PRKN: variants seen among roughly 807,000 people sequenced by gnomAD.
PRKN encodes parkin RBR E3 ubiquitin protein ligase.
A neutral mutation model predicts 59.5 loss-of-function variants in PRKN; 56 were observed. That is an observed-to-expected ratio of 0.94 (90% CI 0.76 to 1.18). PRKN has a LOEUF of 1.18. Among genes scored for constraint, PRKN ranks in the 50% most tolerant of loss-of-function variants. The pLI, the probability that PRKN is intolerant of heterozygous loss-of-function variation, is 0.00. For synonymous variants in PRKN, 250 were observed against 222.1 expected, an observed-to-expected ratio of 1.13 and a Z score of -1.12; for missense variants, 657 against 596.4, an observed-to-expected ratio of 1.10 and a Z score of -1.06.
intron 6 of PRKN, among the ~76,000 whole-genome samples, chr6:161,891,019 A>C (rs1047222942): frequency 2.7e-4 from 41 of 152,222 alleles, no homozygotes; most frequent in African/African-American, 9.1e-4. Context: ...GGGAGATTTC[A>C]CTCTTGCTAC....
intron 1 of PRKN, among the ~76,000 whole-genome samples, chr6:162,680,458 G>C (rs1183634780): frequency 6.6e-6 from 1 of 151,736 alleles, no homozygotes; most frequent in Non-Finnish European, 1.5e-5. Flanking sequence ...TCCAAATCTA[G>C]CTAGAAAACA....
intron 1 of PRKN, among the ~76,000 whole-genome samples, chr6:162,623,360 G>A (rs914053006): frequency 1.3e-5 from 2 of 152,186 alleles, no homozygotes; most frequent in African/African-American, 4.8e-5. Context: ...TGATCACTTA[G>A]ATGAATGTTG....
chr6:161,531,336 A>C (rs1406376023), intron 9 of PRKN, among the ~76,000 whole-genome samples: 3 of 151,312 alleles, frequency 2.0e-5, no homozygotes, highest in Non-Finnish European at 4.4e-5. Context: ...AGCCGAGATC[A>C]TGCCACTGCA....
intron 2 of PRKN, among the ~76,000 whole-genome samples, chr6:162,319,683 G>A (rs1349188193): frequency 6.6e-6 from 1 of 151,918 alleles, no homozygotes; most frequent in Non-Finnish European, 1.5e-5. Flanking sequence ...TACACAGTTT[G>A]CTCTTTAGCA....
chr6:162,305,250 C>T (rs1001034247), intron 2 of PRKN, among the ~76,000 whole-genome samples: 2 of 152,092 alleles, frequency 1.3e-5, no homozygotes, highest in African/African-American at 2.4e-5. Context: ...TCTTTGTAAA[C>T]GGAAGTGCCA....
intron 1 of PRKN, among the ~76,000 whole-genome samples, chr6:162,517,036 TC>T (rs1478346475): frequency 6.6e-6 from 1 of 152,046 alleles, no homozygotes; most frequent in African/African-American, 2.4e-5. Context: ...AGGTAATTCC[TC>T]CTTAATGGCA....
intron 7 of PRKN, among the ~76,000 whole-genome samples, chr6:161,633,590 C>T (rs1783396063): frequency 6.6e-6 from 1 of 152,192 alleles, no homozygotes; most frequent in African/African-American, 2.4e-5. Flanking sequence ...TTAAATATTC[C>T]TGGTGGAATA....
intron 4 of PRKN, among the ~76,000 whole-genome samples, chr6:162,078,600 T>C (rs1192219120): frequency 1.3e-5 from 2 of 152,082 alleles, no homozygotes; most frequent in Non-Finnish European, 2.9e-5. Flanking sequence ...ATTTTTAAGT[T>C]TGATAAAAAA....
chr6:161,733,770 GAAA>G lies in PRKN; in HGVS notation c.871+51999_871+52001del, dbSNP rs71544915. 4.7e-3 allele frequency among the ~76,000 whole-genome samples: 483 copies of G among 102,382 alleles called. 2 individuals are homozygous for G. The highest frequency in any genetic ancestry group is 0.013 in the South Asian group (41 of 3,232). The allele number at this position is 102,382 out of a possible 152,430, so 67.2% of individuals were successfully genotyped here. A position where few individuals can be genotyped will look rare whatever the true frequency, so the allele number is the denominator to read the frequency against. On this transcript the variant is annotated intron_variant, in intron 7 of 11. Coordinates refer to ENST00000366898, the MANE Select transcript of PRKN (RefSeq NM_004562.3). The stretch of plus-strand genomic sequence containing the variant: ...GTATTGTTGAAAATTCCCAGGGGGT[GAAA>G]AAAAAAAAAAATATATATATATATG...
rs142647291 is a variant in PRKN, at chr6:161,616,618, G to A, written c.872-47202C>T. On this transcript the variant is annotated intron_variant, in intron 7 of 11. Coordinates refer to ENST00000366898, the MANE Select transcript of PRKN (RefSeq NM_004562.3). ...GATGTTCCCCTCCCTGTATCCATAT[G>A]TTCTCACTGTTCAACTCCCACTTAC... Among the ~76,000 whole-genome samples the A allele has an allele frequency of 9.1e-3, 1,383 of 151,690 alleles. 10 individuals carry two copies. The highest frequency in any genetic ancestry group is 0.024 in the Middle Eastern group (7 of 294).
intron 1 of PRKN, chr6:162,569,447 T>G: frequency 1.5e-6 from 1 of 687,638 alleles, no homozygotes; most frequent in Non-Finnish European, 2.8e-6. Flanking sequence ...GATTGCCACC[T>G]ACAGGAAGCT....
At chr6:162,716,886 C>T (rs1778750672) in intron 1 of PRKN, among the ~76,000 whole-genome samples, 1 of 152,178 alleles carries the variant, frequency 6.6e-6, no homozygotes, top group South Asian at 2.1e-4. Context: ...AGCTCTCTGT[C>T]ATTCTTCCTT....
rs1488923049 is a variant in PRKN at position 162,426,408 on chromosome 6, T to C, written c.171+16902A>G. ...CTGGATCTTGCGTGGACAGCACATG[T>C]ACACAAAGATAAAGTCCAGTTGTTA... On this transcript the variant is annotated intron_variant, in intron 2 of 11. Coordinates refer to ENST00000366898, the MANE Select transcript of PRKN (RefSeq NM_004562.3). Among the ~76,000 whole-genome samples, 3 of 152,234 alleles carry C rather than the reference T, an allele frequency of 2.0e-5. No individual in the cohort carries two copies. The East Asian group carries it at 5.8e-4, about 29-fold the overall frequency.
chr6:162,324,098 C>T (rs1783160722), intron 2 of PRKN, among the ~76,000 whole-genome samples: 1 of 151,592 alleles, frequency 6.6e-6, no homozygotes, highest in Admixed American at 6.6e-5. Flanking sequence ...ACCCACTTAC[C>T]TGATCATTTG....
rs531424543 is a variant in PRKN, at chr6:162,385,140, T to G, written c.171+58170A>C. ...AAACCTGAAAATACCATCAAGATAC[T>G]TATGGAACTCACATGAAAGTGAAAT... On this transcript the variant is annotated intron_variant, in intron 2 of 11. Coordinates refer to ENST00000366898, the MANE Select transcript of PRKN (RefSeq NM_004562.3). Among the ~76,000 whole-genome samples, 6 of 152,272 alleles carry G rather than the reference T, an allele frequency of 3.9e-5. No homozygotes were observed. The South Asian group carries it at 1.2e-3, about 32-fold the overall frequency.
intron 2 of PRKN, among the ~76,000 whole-genome samples, chr6:162,339,621 A>G (rs1168419042): frequency 1.3e-5 from 2 of 150,226 alleles, no homozygotes; most frequent in African/African-American, 2.4e-5. Flanking sequence ...CCTGGCCACC[A>G]CCCCGTCTGG....
Position 162,150,554 on chromosome 6 carries a change from A to G in PRKN, c.534+50577T>C, listed in dbSNP as rs541152184. ...AGACGCACTCCAGAAAACGCAGCAC[A>G]GTATGGATTTTGCAACAGATCTCAC... is the stretch of plus-strand genomic sequence containing the variant. On this transcript the variant is annotated intron_variant, in intron 4 of 11. Coordinates refer to ENST00000366898, the MANE Select transcript of PRKN (RefSeq NM_004562.3). Among the ~76,000 whole-genome samples, 225 of 152,352 alleles carry G rather than the reference A, an allele frequency of 1.5e-3. 1 individual carries two copies. The highest frequency in any genetic ancestry group is 3.4e-3 in the Middle Eastern group (1 of 294).
chr6:161,952,838 G>A (rs564173546), intron 6 of PRKN, among the ~76,000 whole-genome samples: 1 of 152,242 alleles, frequency 6.6e-6, no homozygotes, highest in Admixed American at 6.5e-5. Context: ...AATAATAAAA[G>A]TTGGATCTTT....
chr6:162,072,973 T>C (rs1015234034), intron 4 of PRKN, among the ~76,000 whole-genome samples: 1 of 152,182 alleles, frequency 6.6e-6, no homozygotes, highest in Non-Finnish European at 1.5e-5. Context: ...AAGATCTAAG[T>C]TCAGGATGCA....
Sources: allele counts gnomAD v4.1 joint callset (sites outside exome capture counted in the v4.1 genomes callset), GRCh38; gene constraint gnomAD v4.1.1; transcripts MANE v1.5; gene names NCBI Gene and HGNC (gene_info 2026-07-23, HGNC 2026-07-21).